Variants in KCTD13 observed in about 807,000 individuals in gnomAD.
KCTD13 encodes the protein BTB/POZ domain-containing adapter for CUL3-mediated RhoA degradation protein 1.
In KCTD13, 15 loss-of-function variants were observed where a neutral mutation model predicts 32.3. That is an observed-to-expected ratio of 0.46 (90% CI 0.31 to 0.71). KCTD13 has a LOEUF of 0.71. Ranked by LOEUF, KCTD13 falls within the 30% of genes least tolerant of loss-of-function variation. The pLI, the probability that KCTD13 is intolerant of heterozygous loss-of-function variation, is 0.05. For synonymous variants in KCTD13, 189 were observed against 200.1 expected (o/e 0.94, Z 0.47); for missense variants, 337 against 452.6 (o/e 0.74, Z 2.32).
intron 5 of KCTD13, among the ~76,000 whole-genome samples, chr16:29,910,762 A>T (rs566887237): frequency 2.6e-5 from 4 of 152,308 alleles, no homozygotes; most frequent in Admixed American, 2.6e-4. Context: ...CAACAGGCCT[A>T]GGCTAAGCAC....
At chr16:29,907,475 CTCAG>C (rs1567438524) in intron 5 of KCTD13, among the ~76,000 whole-genome samples, 1 of 152,114 alleles carries the variant, frequency 6.6e-6, no homozygotes. Flanking sequence ...AGTGGGAGGA[CTCAG>C]TCATACACTT....
intron 2 of KCTD13, chr16:29,920,740 T>C (rs965018622): frequency 3.3e-5 from 5 of 152,246 alleles, no homozygotes; most frequent in African/African-American, 1.2e-4. Flanking sequence ...GATGATGCCA[T>C]GTCTTGATGA....
Position 29,906,558 on chromosome 16 carries a change from G to A in KCTD13, c.*314C>T, listed in dbSNP as rs2068616794. 2.0e-6 allele frequency: 1 copy of A among 509,922 alleles called. No homozygotes were observed. The highest frequency in any genetic ancestry group is 5.2e-5 in the East Asian group (1 of 19,278). The allele number at this position is 509,922 out of a possible 1,614,324, so 31.6% of individuals were successfully genotyped here. A position where few individuals can be genotyped will look rare whatever the true frequency, so the allele number is the denominator to read the frequency against. On this transcript the variant is annotated 3_prime_UTR_variant, in exon 6 of 6. Transcript: ENST00000568000. Reference sequence around the variant, plus strand: ...AGGAAGGGCCGCACACTTTGGCATGGACGATGCACTAAAAAAAGAGAAAGG... The same window carrying A: ...AGGAAGGGCCGCACACTTTGGCATGAACGATGCACTAAAAAAAGAGAAAGG...
intron 5 of KCTD13, 59 bp downstream of exon 5, chr16:29,910,919 C>T (rs1220394192): frequency 2.6e-6 from 4 of 1,513,074 alleles, no homozygotes; most frequent in African/African-American, 2.8e-5. Flanking sequence ...CTGCTTTTGT[C>T]CAGGGTCCTG....
At position 29,923,200 on chromosome 16, in the gene KCTD13, A is replaced by C; in HGVS notation, c.404T>G (p.Leu135Arg). 6.2e-7 allele frequency: 1 copy of C among 1,614,202 alleles called. No homozygotes were observed. Among genetic ancestry groups the C allele is most frequent in the Admixed American group, 1.7e-5 (1 of 60,022 alleles). ...LVQGLIEDCQ[L>R]ALQQKRETLS... ...TCCGAAGGCCCTCACCTGCAGCGCCAGCTGGCAGTCCTCAATCAGGCCCTG... is the reference window on the plus strand; with the variant it reads ...TCCGAAGGCCCTCACCTGCAGCGCCCGCTGGCAGTCCTCAATCAGGCCCTG... The change falls in exon 2 of 6, where the codon CTG becomes CGG. Residue 135 changes from leucine to arginine, a missense_variant. By Grantham distance (102) the Leu-to-Arg change is moderately radical. Coordinates refer to ENST00000568000, the MANE Select transcript of KCTD13 (RefSeq NM_178863.5).
rs368656519 is a variant in KCTD13 at position 29,923,262 on chromosome 16, C to T, written c.342G>A (p.Leu114=). Residue 114 remains leucine, a synonymous_variant, in exon 2 of 6, where the codon CTG becomes CTA. Transcript: ENST00000568000. Reference sequence around the variant, plus strand: ...AGCGTGCTTCGCCCAGCAGCTCCCCCAGTTCTCTCGTACTCTCCGGCAGTG... The same window carrying T: ...AGCGTGCTTCGCCCAGCAGCTCCCCTAGTTCTCTCGTACTCTCCGGCAGTG... The part of the protein sequence containing the change: ...SVPLPESTRE[L]GELLGEARYY... 15 of 1,614,224 alleles carry T rather than the reference C, an allele frequency of 9.3e-6. No individual in the cohort carries two copies. In the African/African-American group the frequency reaches 1.9e-4, roughly 20 times the overall value.
intron 2 of KCTD13, chr16:29,922,385 A>T (rs1276538897): frequency 6.6e-6 from 1 of 152,204 alleles, no homozygotes; most frequent in Non-Finnish European, 1.5e-5. Context: ...AAGAAAGGAC[A>T]TTTTTAACAT....
chr16:29,907,824 C>T (rs578164033), intron 5 of KCTD13, among the ~76,000 whole-genome samples: 19 of 151,634 alleles, frequency 1.3e-4, no homozygotes, highest in South Asian at 4.2e-4. Flanking sequence ...AATATAAATG[C>T]AGTCAAATGA....
chr16:29,908,288 G>A (rs1460689406), intron 5 of KCTD13, among the ~76,000 whole-genome samples: 1 of 152,178 alleles, frequency 6.6e-6, no homozygotes, highest in Admixed American at 6.5e-5. Flanking sequence ...GGAATGGAAA[G>A]GGATGAAGTC....
intron 2 of KCTD13, among the ~76,000 whole-genome samples, chr16:29,915,894 C>T (rs1217664295): frequency 1.3e-5 from 2 of 152,328 alleles, no homozygotes; most frequent in East Asian, 3.9e-4. Flanking sequence ...TTAATTTTAA[C>T]ATCACTTGTT....
intron 4 of KCTD13, 137 bp downstream of exon 4, chr16:29,911,678 A>T: frequency 1.2e-6 from 1 of 838,876 alleles, no homozygotes; most frequent in Non-Finnish European, 1.9e-6. Flanking sequence ...GTCAGGGGTA[A>T]GAGGCGAAGC....
intron 5 of KCTD13, among the ~76,000 whole-genome samples, chr16:29,907,538 G>A (rs1264875017): frequency 6.6e-6 from 1 of 152,166 alleles, no homozygotes; most frequent in Non-Finnish European, 1.5e-5. Flanking sequence ...TGTAATCCCA[G>A]CACTTTGGGA....
At chr16:29,916,940 C>T (rs1224148197) in intron 2 of KCTD13, among the ~76,000 whole-genome samples, 2 of 152,174 alleles carry the variant, frequency 1.3e-5, no homozygotes, top group Non-Finnish European at 2.9e-5. Context: ...AGTTCCTCAC[C>T]AAGTGGACCT....
At chr16:29,908,959 T>C (rs1332398981) in intron 5 of KCTD13, among the ~76,000 whole-genome samples, 5 of 151,588 alleles carry the variant, frequency 3.3e-5, no homozygotes, top group Non-Finnish European at 7.4e-5. Flanking sequence ...TCCTAAAGTA[T>C]TGGGATTACA....
intron 5 of KCTD13, 35 bp downstream of exon 5, chr16:29,910,943 C>G (rs748728951): frequency 6.7e-5 from 107 of 1,590,660 alleles, no homozygotes; most frequent in Non-Finnish European, 8.8e-5. Flanking sequence ...CTGGCCACCC[C>G]CAGCCCCCAA....
At chr16:29,915,700 CA>C (rs1364816423) in intron 2 of KCTD13, among the ~76,000 whole-genome samples, 3 of 152,070 alleles carry the variant, frequency 2.0e-5, no homozygotes, top group African/African-American at 7.2e-5. Flanking sequence ...TGAAAGACAA[CA>C]CCTTTAACCT....
intron 2 of KCTD13, among the ~76,000 whole-genome samples, chr16:29,918,894 G>T (rs577026048): frequency 6.6e-6 from 1 of 151,494 alleles, no homozygotes; most frequent in Non-Finnish European, 1.5e-5. Flanking sequence ...TCCTGACCTT[G>T]TGATCCACCT....
chr16:29,919,975 AT>A, intron 2 of KCTD13: 1 of 152,304 alleles, frequency 6.6e-6, no homozygotes, highest in South Asian at 2.1e-4. Flanking sequence ...TTGACTAGAA[AT>A]TTTTATCTAG....
Position 29,907,085 on chromosome 16 carries a change from G to A in KCTD13, c.777C>T (p.Ile259=). The change falls in exon 6 of 6, where the codon ATC becomes ATT. Residue 259 remains isoleucine (I), a synonymous_variant. Coordinates refer to ENST00000568000, the MANE Select transcript of KCTD13 (RefSeq NM_178863.5). ...TGAGGATGTTCAGGGTCTCCTCGAAGATCCGGGCCTCTGGAAATTCCACCT... is the reference window on the plus strand; with the variant it reads ...TGAGGATGTTCAGGGTCTCCTCGAAAATCCGGGCCTCTGGAAATTCCACCT... ...QTKVEFPEAR[I]FEETLNILIY... 6.2e-7 allele frequency: 1 copy of A among 1,606,514 alleles called. No individual in the cohort carries two copies. The highest frequency in any genetic ancestry group is 8.5e-7 in the Non-Finnish European group (1 of 1,174,822).
Sources: gnomAD v4.1 joint callset for allele counts (sites outside exome capture counted in the v4.1 genomes callset) on GRCh38, gnomAD v4.1.1 for gene constraint, MANE v1.5 for transcripts, NCBI Gene and HGNC (gene_info 2026-07-23, HGNC 2026-07-21) for gene names.